Variants in PCNA observed in about 807,000 individuals in gnomAD.
PCNA encodes the protein DNA sliding clamp PCNA.
In PCNA, 4 loss-of-function variants were observed where a neutral mutation model predicts 27.8. The observed-to-expected ratio is 0.14, with a 90% CI of 0.07 to 0.33. The LOEUF is 0.33. Ranked by LOEUF, PCNA falls within the 10% of genes least tolerant of loss-of-function variation. PCNA has a pLI of 1.00. For synonymous variants in PCNA, 121 were observed against 119.4 expected, an observed-to-expected ratio of 1.01 and a Z score of -0.09; for missense variants, 165 against 327.4, an observed-to-expected ratio of 0.50 and a Z score of 3.83.
chr20:5,119,181 A>T (rs1235044285), intron 1 of PCNA, among the ~76,000 whole-genome samples: 2 of 152,122 alleles, frequency 1.3e-5, no homozygotes, highest in Non-Finnish European at 2.9e-5. Context: ...CTGAGCCGGG[A>T]GGATCGCTTG....
Position 5,118,804 on chromosome 20 carries a change from T to C in PCNA, c.284A>G (p.Asn95Ser), listed in dbSNP as rs1268619804. 1 of 1,614,060 alleles carries C rather than the reference T, an allele frequency of 6.2e-7. No individual in the cohort carries two copies. The highest frequency in any genetic ancestry group is 1.7e-5 in the Admixed American group (1 of 60,006). Residue 95 changes from asparagine to serine, a missense_variant, in exon 2 of 6, where the codon AAC becomes AGC. By Grantham distance (46) the Asn-to-Ser change is conservative. Coordinates refer to ENST00000379143, the MANE Select transcript of PCNA (RefSeq NM_182649.2). ...EDIITLRAED[N>S]ADTLALVFEA... ...AAATACTAGCGCCAAGGTATCCGCG[T>C]TATCTTCGGCCCTTAGTGTAATGAT...
intron 1 of PCNA, 22 bp from the exon 2 acceptor site, chr20:5,118,888 C>T (rs764303854): frequency 2.6e-6 from 4 of 1,535,738 alleles, no homozygotes; most frequent in East Asian, 2.3e-5. Context: ...GAGACACATG[C>T]TTTAAAATCA....
upstream of PCNA, chr20:5,120,146 C>T (rs1402035866): frequency 1.1e-5 from 3 of 284,968 alleles, no homozygotes; most frequent in African/African-American, 4.4e-5. Context: ...CAGGTCTCCC[C>T]GCCTCTTTGA....
At chr20:5,119,468 A>G in intron 1 of PCNA, 110 bp downstream of exon 1, 1 of 853,170 alleles carries the variant, frequency 1.2e-6, no homozygotes, top group South Asian at 1.7e-5. Flanking sequence ...GCCAATGAGA[A>G]GGCGCGGATG....
intron 1 of PCNA, among the ~76,000 whole-genome samples, 196 bp from the exon 2 acceptor site, chr20:5,119,062 C>G (rs773793946): frequency 6.6e-6 from 1 of 152,076 alleles, no homozygotes; most frequent in Admixed American, 6.5e-5. Flanking sequence ...TACTAAAATA[C>G]CACCAGCAGT....
chr20:5,120,158 T>G (rs2090508959), upstream of PCNA: 1 of 262,716 alleles, frequency 3.8e-6, no homozygotes, highest in Non-Finnish European at 7.7e-6. Context: ...CCTCTTTGAC[T>G]CCTGAACCCG....
chr20:5,121,256 T>C (rs899619212), upstream of PCNA, among the ~76,000 whole-genome samples: 1 of 152,246 alleles, frequency 6.6e-6, no homozygotes, highest in Non-Finnish European at 1.5e-5. Flanking sequence ...TATCTAGGTA[T>C]GGAGTTAGTT....
At chr20:5,119,999 G>T (rs894478680), upstream of PCNA, 17 of 587,394 alleles carry the variant, frequency 2.9e-5, no homozygotes, top group Non-Finnish European at 4.6e-5. Flanking sequence ...CCTGCGCCGC[G>T]TTGCGACGTC....
intron 1 of PCNA, 135 bp from the exon 2 acceptor site, chr20:5,119,001 G>T: frequency 1.6e-6 from 1 of 642,568 alleles, no homozygotes; most frequent in Non-Finnish European, 2.8e-6. Flanking sequence ...CGGACTGCTG[G>T]AGGATGCCAT....
intron 1 of PCNA, among the ~76,000 whole-genome samples, chr20:5,125,006 A>C (rs1040218403): frequency 2.0e-5 from 3 of 152,178 alleles, no homozygotes; most frequent in Admixed American, 6.5e-5. Context: ...CGTGCCCCTG[A>C]AGGTGAAGTT....
At chr20:5,120,909 T>C (rs559713385), upstream of PCNA, among the ~76,000 whole-genome samples, 1 of 152,234 alleles carries the variant, frequency 6.6e-6, no homozygotes, top group South Asian at 2.1e-4. Context: ...CAGGTTCAAG[T>C]GAGTCTCCTG....
upstream of PCNA, chr20:5,121,385 C>CTTTTT (rs1479526458): frequency 8.6e-6 from 1 of 116,904 alleles, no homozygotes; most frequent in African/African-American, 3.6e-5. Context: ...GCCTTTCTTT[C>CTTTTT]CTTTTTTTTT....
At chr20:5,118,510 AAC>A in intron 3 of PCNA, 98 bp downstream of exon 3, 3 of 863,374 alleles carry the variant, frequency 3.5e-6, no homozygotes, top group East Asian at 2.5e-5. Context: ...CAGCCTGGGC[AAC>A]AGAGCCAAGA....
At position 5,118,834 on chromosome 20, in the gene PCNA, T is replaced by C. The variant is rs2090494491; in HGVS notation, c.254A>G (p.Glu85Gly). ...MSKILKCAGN[E>G]DIITLRAEDN... ...TTCGGCCCTTAGTGTAATGATATCTTCATTGCCGGCGCATTTTAGTATTTT... is the reference window on the plus strand; with the variant it reads ...TTCGGCCCTTAGTGTAATGATATCTCCATTGCCGGCGCATTTTAGTATTTT... Residue 85 changes from glutamate to glycine, a missense_variant, in exon 2 of 6, where the codon GAA (glutamate) becomes GGA (glycine). Physicochemically the swap from Glu to Gly is moderately conservative, Grantham distance 98. Coordinates refer to ENST00000379143, the MANE Select transcript of PCNA (RefSeq NM_182649.2). The C allele has an allele frequency of 6.2e-7, 1 of 1,613,268 alleles. No individual in the cohort carries two copies. The highest frequency in any genetic ancestry group is 8.5e-7 in the Non-Finnish European group (1 of 1,179,366).
At chr20:5,118,508 G>C (rs2090491978) in intron 3 of PCNA, 102 bp downstream of exon 3, 1 of 842,088 alleles carries the variant, frequency 1.2e-6, no homozygotes, top group South Asian at 1.6e-5. Context: ...TCCAGCCTGG[G>C]CAACAGAGCC....
chr20:5,126,061 C>T (rs1390050951), intron 1 of PCNA, among the ~76,000 whole-genome samples: 1 of 152,164 alleles, frequency 6.6e-6, no homozygotes, highest in East Asian at 1.9e-4. Flanking sequence ...TGGTGAAACC[C>T]CGTCTCTACT....
intron 5 of PCNA, 31 bp from the exon 6 acceptor site, chr20:5,115,393 G>A (rs762290541): frequency 1.9e-6 from 3 of 1,613,254 alleles, no homozygotes; most frequent in South Asian, 2.2e-5. Context: ...TAATTACTGA[G>A]GAGTATGTAT....
chr20:5,118,350 C>T (rs1380140944), intron 3 of PCNA, among the ~76,000 whole-genome samples: 2 of 152,084 alleles, frequency 1.3e-5, no homozygotes, highest in East Asian at 1.9e-4. Flanking sequence ...GCAAGACTGC[C>T]CCCACGCCCA....
At chr20:5,122,309 C>T (rs994015765), upstream of PCNA, among the ~76,000 whole-genome samples, 2 of 152,184 alleles carry the variant, frequency 1.3e-5, no homozygotes, top group Admixed American at 6.5e-5. Context: ...AACTTTTAGA[C>T]TTTAAAAACA....
Sources: allele counts gnomAD v4.1 joint callset (sites outside exome capture counted in the v4.1 genomes callset), GRCh38; gene constraint gnomAD v4.1.1; transcripts MANE v1.5; gene names NCBI Gene and HGNC (gene_info 2026-07-23, HGNC 2026-07-21).